The following SHISA6 variants were observed in gnomAD, a reference collection of about 807,000 sequenced individuals.
SHISA6 encodes the protein protein shisa-6.
Under a neutral mutation model 47.9 loss-of-function variants are expected in SHISA6, and 22 were observed. The observed-to-expected ratio is 0.46, with a 90% confidence interval of 0.33 to 0.66. SHISA6 has a LOEUF of 0.66. Ranked by LOEUF, SHISA6 falls within the 30% of genes least tolerant of loss-of-function variation. The probability of loss-of-function intolerance (pLI) is 0.02; values close to 1 mark genes in which losing one functional copy is unlikely to be tolerated. For synonymous variants in SHISA6, 388 were observed against 337.8 expected, an observed-to-expected ratio of 1.15 and a Z score of -1.63; for missense variants, 680 against 764.6, an observed-to-expected ratio of 0.89 and a Z score of 1.30.
chr17:11,436,387 C>T (rs1466036421), intron 3 of SHISA6, among the ~76,000 whole-genome samples: 2 of 152,218 alleles, frequency 1.3e-5, no homozygotes, highest in African/African-American at 4.8e-5. Flanking sequence ...CTAATACAGA[C>T]ACTGGCTTGT....
At chr17:11,553,665 G>C (rs1446467009) in intron 4 of SHISA6, among the ~76,000 whole-genome samples, 1 of 152,104 alleles carries the variant, frequency 6.6e-6, no homozygotes, top group East Asian at 1.9e-4. Context: ...GTTCCACAAA[G>C]AGCATTAATT....
chr17:11,465,014 G>A (rs987841102), intron 3 of SHISA6, among the ~76,000 whole-genome samples: 2 of 151,638 alleles, frequency 1.3e-5, no homozygotes, highest in African/African-American at 4.8e-5. Context: ...TATGTTTCTA[G>A]TTTTTTCATA....
At chr17:11,315,926 C>A (rs1051808481) in intron 2 of SHISA6, among the ~76,000 whole-genome samples, 1 of 152,050 alleles carries the variant, frequency 6.6e-6, no homozygotes, top group Admixed American at 6.6e-5. Context: ...TTTTGTTAAT[C>A]ATTTTTTATG....
intron 2 of SHISA6, among the ~76,000 whole-genome samples, chr17:11,365,110 A>T (rs926024746): frequency 6.6e-6 from 1 of 152,206 alleles, no homozygotes; most frequent in Non-Finnish European, 1.5e-5. Context: ...GGTAGTGATT[A>T]CAAAGCAGAA....
intron 3 of SHISA6, among the ~76,000 whole-genome samples, chr17:11,503,302 G>A (rs1297329157): frequency 2.7e-5 from 4 of 148,522 alleles, no homozygotes; most frequent in Non-Finnish European, 5.9e-5. Context: ...ATCTGCCTGC[G>A]AAAACTTAGC....
intron 3 of SHISA6, among the ~76,000 whole-genome samples, chr17:11,445,071 G>C (rs1896653401): frequency 6.6e-6 from 1 of 152,118 alleles, no homozygotes; most frequent in South Asian, 2.1e-4. Flanking sequence ...TGATGAAGCT[G>C]GATGTGACAC....
intron 1 of SHISA6, among the ~76,000 whole-genome samples, chr17:11,247,650 G>A (rs1176227289): frequency 2.0e-5 from 3 of 152,028 alleles, no homozygotes; most frequent in African/African-American, 7.2e-5. Context: ...AATATATGAG[G>A]ATTTAGACTA....
intron 1 of SHISA6, among the ~76,000 whole-genome samples, chr17:11,246,348 G>A (rs1907590217): frequency 6.6e-6 from 1 of 152,144 alleles, no homozygotes; most frequent in East Asian, 1.9e-4. Context: ...AAGTTAGCCG[G>A]GTGTGGTGGC....
At chr17:11,428,941 C>T (rs560297454) in intron 3 of SHISA6, among the ~76,000 whole-genome samples, 26 of 151,992 alleles carry the variant, frequency 1.7e-4, no homozygotes, top group African/African-American at 6.0e-4. Context: ...CCCACTACCA[C>T]GCCCGGTTAA....
chr17:11,482,754 G>A (rs1916252385), intron 3 of SHISA6, among the ~76,000 whole-genome samples: 1 of 152,156 alleles, frequency 6.6e-6, no homozygotes, highest in Non-Finnish European at 1.5e-5. Context: ...TTGACAGCAG[G>A]TAAATCTGGG....
At position 11,244,987 on chromosome 17, in the gene SHISA6, C is replaced by T. The variant is rs1044760142; in HGVS notation, c.638+2927C>T. On this transcript the variant is annotated intron_variant, in intron 1 of 5. Coordinates refer to ENST00000441885, the MANE Select transcript of SHISA6 (RefSeq NM_207386.4). ...AGTGCTCCCAGGCTGGACAGCCCTC[C>T]GCCTGCCCATGCACACACATTCCTT... is the stretch of plus-strand genomic sequence containing the variant. Among the ~76,000 whole-genome samples the T allele has an allele frequency of 2.6e-5, 4 of 152,182 alleles. No homozygotes were observed. In the East Asian group the frequency reaches 5.8e-4, roughly 22 times the overall value.
chr17:11,539,324 T>C (rs762218143), intron 3 of SHISA6, among the ~76,000 whole-genome samples: 4 of 152,232 alleles, frequency 2.6e-5, no homozygotes, highest in Non-Finnish European at 5.9e-5. Flanking sequence ...CCCCCAACTT[T>C]CCTTTGACTC....
At chr17:11,336,262 G>A (rs1283120461) in intron 2 of SHISA6, among the ~76,000 whole-genome samples, 1 of 152,076 alleles carries the variant, frequency 6.6e-6, no homozygotes, top group Non-Finnish European at 1.5e-5. Flanking sequence ...TGTTAGCTAA[G>A]TCCATAAGTT....
chr17:11,436,229 A>G (rs897569267), intron 3 of SHISA6, among the ~76,000 whole-genome samples: 12 of 152,174 alleles, frequency 7.9e-5, no homozygotes, highest in African/African-American at 2.9e-4. Flanking sequence ...ATGGCAGTCT[A>G]TACAGGCCAA....
intron 2 of SHISA6, among the ~76,000 whole-genome samples, chr17:11,339,944 G>C (rs1487015451): frequency 6.6e-6 from 1 of 152,106 alleles, no homozygotes; most frequent in African/African-American, 2.4e-5. Context: ...TTCAAGAATT[G>C]GTACTAAAGG....
intron 3 of SHISA6, among the ~76,000 whole-genome samples, chr17:11,413,221 C>T (rs11078020): frequency 0.17 from 25,120 of 152,184 alleles, 2,350 homozygotes; most frequent in South Asian, 0.35. Context: ...ACAGATCACC[C>T]TAACTCCAGT....
chr17:11,405,852 A>C (rs1375168992), intron 3 of SHISA6, among the ~76,000 whole-genome samples: 1 of 152,006 alleles, frequency 6.6e-6, no homozygotes, highest in African/African-American at 2.4e-5. Context: ...TTGTTTTGGG[A>C]GCTGTTTTAC....
At chr17:11,259,432 A>G (rs1168789759) in intron 1 of SHISA6, among the ~76,000 whole-genome samples, 5 of 152,376 alleles carry the variant, frequency 3.3e-5, no homozygotes, top group East Asian at 1.9e-4. Context: ...TAATCACTCA[A>G]TAAATGATAG....
intron 2 of SHISA6, among the ~76,000 whole-genome samples, chr17:11,281,584 G>C (rs2142161217): frequency 6.6e-6 from 1 of 152,114 alleles, no homozygotes; most frequent in South Asian, 2.1e-4. Flanking sequence ...TTGTGTCTAT[G>C]TTCATAAAGC....
Sources: gnomAD v4.1 joint callset for allele counts (sites outside exome capture counted in the v4.1 genomes callset) on GRCh38, gnomAD v4.1.1 for gene constraint, MANE v1.5 for transcripts, NCBI Gene and HGNC (gene_info 2026-07-23, HGNC 2026-07-21) for gene names.